Variants in GFM1 observed in about 807,000 individuals in gnomAD.
GFM1 encodes elongation factor G, mitochondrial.
GFM1 carries 62 observed loss-of-function variants against 96.2 expected under a neutral mutation model. The ratio of observed to expected loss-of-function variants is 0.64; its 90% confidence interval spans 0.53 to 0.80. The LOEUF (loss-of-function observed/expected upper bound fraction) is 0.80, where lower values mean the gene tolerates loss of function less well. Ranked by LOEUF, GFM1 falls within the 30% of genes least tolerant of loss-of-function variation. The pLI is 0.00. For synonymous variants in GFM1, 282 were observed against 312.9 expected (o/e 0.90, Z 1.04); for missense variants, 852 against 916.6 (o/e 0.93, Z 0.91).
intron 13 of GFM1, among the ~76,000 whole-genome samples, chr3:158,679,773 T>G (rs1203383470): frequency 6.6e-6 from 1 of 152,182 alleles, no homozygotes. Context: ...ACTCAGAGCT[T>G]TTTGCTGATA....
chr3:158,683,635 C>G (rs1356976637), intron 14 of GFM1, among the ~76,000 whole-genome samples: 1 of 152,232 alleles, frequency 6.6e-6, no homozygotes, highest in African/African-American at 2.4e-5. Flanking sequence ...CAAGACACAG[C>G]TAGTGAATAA....
chr3:158,660,768 C>T (rs1723138521), intron 9 of GFM1, 106 bp from the exon 10 acceptor site: 3 of 910,566 alleles, frequency 3.3e-6, no homozygotes. Context: ...GAGATTCTGC[C>T]ACGCTTTTTT....
intron 13 of GFM1, chr3:158,667,218 T>A: frequency 1.1e-6 from 1 of 930,346 alleles, no homozygotes. Flanking sequence ...AATTTCAATT[T>A]AATGTGACAA....
intron 14 of GFM1, among the ~76,000 whole-genome samples, chr3:158,683,066 C>T (rs1436280066): frequency 1.3e-5 from 2 of 151,588 alleles, no homozygotes; most frequent in South Asian, 2.1e-4. Context: ...GTTGTAAACC[C>T]TTAATTAATT....
chr3:158,679,480 G>A (rs900272547), intron 13 of GFM1, among the ~76,000 whole-genome samples: 1 of 151,962 alleles, frequency 6.6e-6, no homozygotes, highest in Admixed American at 6.6e-5. Context: ...GTGTTTCTTT[G>A]GACTAAGTAG....
chr3:158,645,525 C>T (rs1721700662), intron 1 of GFM1, 104 bp from the exon 2 acceptor site: 2 of 958,964 alleles, frequency 2.1e-6, no homozygotes, highest in Non-Finnish European at 3.3e-6. Context: ...ATCTCATATC[C>T]AGTGAGATTT....
chr3:158,671,635 C>T (rs895603426), intron 13 of GFM1, among the ~76,000 whole-genome samples: 1 of 152,158 alleles, frequency 6.6e-6, no homozygotes, highest in Non-Finnish European at 1.5e-5. Flanking sequence ...TCTACTGTGT[C>T]ACCTCTAAAA....
intron 4 of GFM1, among the ~76,000 whole-genome samples, chr3:158,647,190 A>G (rs541252572): frequency 7.2e-5 from 11 of 152,330 alleles, no homozygotes; most frequent in Admixed American, 6.5e-4. Flanking sequence ...TTGAAGATGA[A>G]TTCAGAAAAC....
chr3:158,646,068 C>T, intron 2 of GFM1, 97 bp from the exon 3 acceptor site: 1 of 1,438,652 alleles, frequency 7.0e-7, no homozygotes, highest in Non-Finnish European at 9.8e-7. Context: ...TAGGCATGAG[C>T]CACTGCACCT....
At chr3:158,664,606 C>A (rs781160166) in intron 11 of GFM1, among the ~76,000 whole-genome samples, 1 of 152,118 alleles carries the variant, frequency 6.6e-6, no homozygotes, top group Admixed American at 6.5e-5. Context: ...TCATGGAATC[C>A]CTCTGACCCC....
chr3:158,645,856 T>G (rs1301101354), intron 2 of GFM1, 75 bp downstream of exon 2: 1 of 1,308,234 alleles, frequency 7.6e-7, no homozygotes, highest in Non-Finnish European at 1.1e-6. Context: ...TTAATAAAGC[T>G]TATAAACCTG....
intron 8 of GFM1, 115 bp downstream of exon 8, chr3:158,654,746 TAGAA>T (rs1722606572): frequency 1.2e-5 from 9 of 755,882 alleles, no homozygotes; most frequent in South Asian, 1.0e-4. Context: ...AATAGGAAAG[TAGAA>T]AGAGCAGGTA....
chr3:158,645,928 A>T (rs1182425703), intron 2 of GFM1, 147 bp downstream of exon 2: 19 of 880,496 alleles, frequency 2.2e-5, no homozygotes, highest in Non-Finnish European at 3.1e-5. Context: ...AAGTTGCTTA[A>T]GTTAAGTATC....
intron 13 of GFM1, among the ~76,000 whole-genome samples, chr3:158,678,318 T>C (rs1725074526): frequency 6.6e-6 from 1 of 152,192 alleles, no homozygotes; most frequent in Admixed American, 6.5e-5. Flanking sequence ...AGGCGATCGC[T>C]GCCATAGGTT....
intron 8 of GFM1, 85 bp from the exon 9 acceptor site, chr3:158,658,837 G>A (rs1576744925): frequency 7.0e-7 from 1 of 1,422,056 alleles, no homozygotes; most frequent in Non-Finnish European, 9.9e-7. Flanking sequence ...GAGAATACTT[G>A]GAGGGAGTTA....
chr3:158,655,057 T>C (rs1283973289), intron 8 of GFM1, among the ~76,000 whole-genome samples: 3 of 152,216 alleles, frequency 2.0e-5, no homozygotes, highest in Non-Finnish European at 4.4e-5. Context: ...ATAAATAACA[T>C]TGGGTCCATT....
rs1721598265 is a variant in GFM1 at position 158,644,697 on chromosome 3, A to C, written c.63A>C (p.Leu21=). 1 of 1,577,412 alleles carries C rather than the reference A, an allele frequency of 6.3e-7. No homozygotes were observed. The highest frequency in any genetic ancestry group is 8.6e-7 in the Non-Finnish European group (1 of 1,162,304). The part of the protein sequence containing the change: ...ALGRGRAPAS[L]GWQRKQVNWK... Reference sequence around the variant, plus strand: ...GGCGCGGAAGGGCCCCCGCCTCCCTAGGCTGGCAGAGGAAGCAGGTACCGG... The same window carrying C: ...GGCGCGGAAGGGCCCCCGCCTCCCTCGGCTGGCAGAGGAAGCAGGTACCGG... The change falls in exon 1 of 18, where the codon CTA becomes CTC. Residue 21 remains leucine (L), a synonymous_variant. Coordinates refer to ENST00000486715, the MANE Select transcript of GFM1 (RefSeq NM_024996.7).
intron 13 of GFM1, chr3:158,672,545 C>T: frequency 6.3e-7 from 1 of 1,592,668 alleles, no homozygotes; most frequent in Non-Finnish European, 8.6e-7. Flanking sequence ...CAGAGCGCCG[C>T]CCGTCCTGCT....
Position 158,671,078 on chromosome 3 carries a change from T to A in GFM1, c.1601+4692T>A. The A allele has an allele frequency of 2.9e-6, 4 of 1,402,464 alleles. No homozygotes were observed. The South Asian group carries it at 6.8e-5, about 24-fold the overall frequency. The allele number at this position is 1,402,464 out of a possible 1,614,324, so 86.9% of individuals were successfully genotyped here. A position where few individuals can be genotyped will look rare whatever the true frequency, so the allele number is the denominator to read the frequency against. On this transcript the variant is annotated intron_variant, in intron 13 of 17. Transcript: ENST00000486715. ...ATATTATAACAACATTATACTTGCATTGTTAGAAGTATGCATCTCATTTGG... is the reference window on the plus strand; with the variant it reads ...ATATTATAACAACATTATACTTGCAATGTTAGAAGTATGCATCTCATTTGG...
Sources: gnomAD v4.1 joint callset for allele counts (sites outside exome capture counted in the v4.1 genomes callset) on GRCh38, gnomAD v4.1.1 for gene constraint, MANE v1.5 for transcripts, NCBI Gene and HGNC (gene_info 2026-07-23, HGNC 2026-07-21) for gene names.